WDR27: variants seen among roughly 807,000 people sequenced by gnomAD.
WDR27 encodes the protein WD repeat domain 27.
Under a neutral mutation model 114.4 loss-of-function variants are expected in WDR27, and 100 were observed. The observed-to-expected ratio is 0.87, with a 90% CI of 0.74 to 1.03. The LOEUF (loss-of-function observed/expected upper bound fraction) is 1.03. Among genes scored for constraint, WDR27 ranks in the 50% least tolerant of loss-of-function variants. WDR27 has a pLI of 0.00. For missense variants in WDR27, 1,129 were observed against 1,092.9 expected, an observed-to-expected ratio of 1.03 and a Z score of -0.47; for synonymous variants, 449 against 423.1, an observed-to-expected ratio of 1.06 and a Z score of -0.75.
chr6:169,448,518 G>T, the WDR27 span, among the ~76,000 whole-genome samples: 13 of 152,240 alleles, frequency 8.5e-5, no homozygotes, highest in East Asian at 2.3e-3. Context: ...ACTCAGCTGA[G>T]TGCCACAATA....
At chr6:169,639,582 G>A (rs1292830531) in intron 17 of WDR27, among the ~76,000 whole-genome samples, 1 of 152,200 alleles carries the variant, frequency 6.6e-6, no homozygotes, top group African/African-American at 2.4e-5. Context: ...TGATTTCTGA[G>A]AGCGCCAATG....
At chr6:169,460,028 C>T (rs1784731749) in intron 25 of WDR27, among the ~76,000 whole-genome samples, 1 of 151,890 alleles carries the variant, frequency 6.6e-6, no homozygotes, top group African/African-American at 2.4e-5. Context: ...AAATAAAGAC[C>T]TTAATAAAGG....
chr6:169,426,582 A>G, the WDR27 span: 1 of 152,198 alleles, frequency 6.6e-6, no homozygotes, highest in African/African-American at 2.4e-5. Flanking sequence ...TACCGTGCCA[A>G]TTGAGTTCTG....
Position 169,634,522 on chromosome 6 carries a change from A to T in WDR27, c.2007T>A (p.Tyr669Ter). 6.2e-7 allele frequency: 1 copy of T among 1,607,460 alleles called. No homozygotes were observed. The highest frequency in any genetic ancestry group is 1.3e-5 in the African/African-American group (1 of 74,948). ...IDTCKDEIKR[Y>*]KQKSKSKLIC... ...TCAGCTTGGACTTGCTCTTCTGTTTATATCTGGAAGAGAAAATCAAGATGA... is the reference window on the plus strand; with the variant it reads ...TCAGCTTGGACTTGCTCTTCTGTTTTTATCTGGAAGAGAAAATCAAGATGA... Residue 669 changes from tyrosine (Y) to a stop codon, truncating the protein, a stop_gained, in exon 20 of 26, where the codon TAT becomes TAA. Coordinates refer to ENST00000448612, the MANE Select transcript of WDR27 (RefSeq NM_182552.5). LOFTEE classifies it high-confidence loss of function.
chr6:169,660,198 A>AGGGGGT (rs557685707), intron 10 of WDR27, among the ~76,000 whole-genome samples: 1 of 1,574 alleles, frequency 6.4e-4, no homozygotes, highest in Non-Finnish European at 1.5e-3. Context: ...GTCTTGGGGG[A>AGGGGGT]GGGGGTGGGG....
intron 21 of WDR27, among the ~76,000 whole-genome samples, chr6:169,628,788 T>A (rs1278209243): frequency 6.6e-6 from 1 of 152,214 alleles, no homozygotes; most frequent in Non-Finnish European, 1.5e-5. Flanking sequence ...TGAAACCATA[T>A]CTAACTCAGC....
chr6:169,454,834 T>C (rs529601027), downstream of WDR27, among the ~76,000 whole-genome samples: 4 of 152,316 alleles, frequency 2.6e-5, no homozygotes, highest in African/African-American at 9.6e-5. Context: ...CTTCCTCCCC[T>C]GCACATCCAT....
chr6:169,481,365 A>G (rs937826362), intron 25 of WDR27, among the ~76,000 whole-genome samples: 1 of 152,190 alleles, frequency 6.6e-6, no homozygotes, highest in Non-Finnish European at 1.5e-5. Flanking sequence ...AGCTCTCTGT[A>G]AAATGGACCA....
At chr6:169,700,156 T>C (rs949334908) in intron 1 of WDR27, among the ~76,000 whole-genome samples, 1 of 152,178 alleles carries the variant, frequency 6.6e-6, no homozygotes, top group African/African-American at 2.4e-5. Flanking sequence ...CATGGTCATA[T>C]TTAACCACTG....
At chr6:169,617,172 A>T (rs1812030703) in intron 21 of WDR27, among the ~76,000 whole-genome samples, 1 of 152,156 alleles carries the variant, frequency 6.6e-6, no homozygotes, top group African/African-American at 2.4e-5. Context: ...CGAAGATTTC[A>T]TAGGCAAAAT....
intron 22 of WDR27, among the ~76,000 whole-genome samples, chr6:169,606,409 A>C (rs916809328): frequency 2.0e-5 from 3 of 152,094 alleles, no homozygotes; most frequent in African/African-American, 7.2e-5. Context: ...AGATCAACCC[A>C]TCACCTAGGT....
intron 25 of WDR27, among the ~76,000 whole-genome samples, chr6:169,570,300 AAAAC>A (rs937941785): frequency 6.0e-4 from 91 of 152,338 alleles, no homozygotes; most frequent in African/African-American, 1.8e-3. Flanking sequence ...ACAGAAATGA[AAAAC>A]AAATTTCAAC....
Position 169,540,431 on chromosome 6 carries a change from C to CT in WDR27, c.2645+31987dup, listed in dbSNP as rs66671017. Among the ~76,000 whole-genome samples, 1,262 of 144,826 alleles carry CT rather than the reference C, an allele frequency of 8.7e-3. 54 individuals are homozygous for CT. The highest frequency in any genetic ancestry group is 0.069 in the Admixed American group (1,008 of 14,618). ...CAGTATTGCTCTTATTGAATAGAAT[C>CT]TTTTTTTTTTTTTCTTTAGAGGGAG... On this transcript the variant is annotated intron_variant, in intron 25 of 25. Coordinates refer to ENST00000448612, the MANE Select transcript of WDR27 (RefSeq NM_182552.5).
chr6:169,696,836 C>T (rs1388180318), intron 1 of WDR27, among the ~76,000 whole-genome samples: 1 of 152,202 alleles, frequency 6.6e-6, no homozygotes, highest in Non-Finnish European at 1.5e-5. Context: ...ATCACTTGAA[C>T]CCGGGAGGCG....
chr6:169,617,290 A>C (rs1396199509), intron 21 of WDR27, among the ~76,000 whole-genome samples: 1 of 152,184 alleles, frequency 6.6e-6, no homozygotes, highest in East Asian at 1.9e-4. Context: ...AAGCTTGAGG[A>C]GGCGGTGCCT....
At chr6:169,474,858 G>A (rs1583638419) in intron 25 of WDR27, among the ~76,000 whole-genome samples, 2 of 152,088 alleles carry the variant, frequency 1.3e-5, no homozygotes, top group South Asian at 4.2e-4. Flanking sequence ...CTAAATCAAT[G>A]GGGCTTCATT....
In WDR27 at chr6:169,624,225, G is replaced by A. The variant is rs78794328; in HGVS notation, c.2223+8722C>T. 1.3e-3 allele frequency among the ~76,000 whole-genome samples: 205 copies of A among 151,880 alleles called. 4 individuals carry two copies. In the East Asian group the frequency reaches 0.032, roughly 23 times the overall value. ...GGCATGTGGCAGGTGTTCCGTGTGCGCATCAGGTGTGCCATGTGGGGCGTC... is the reference window on the plus strand; with the variant it reads ...GGCATGTGGCAGGTGTTCCGTGTGCACATCAGGTGTGCCATGTGGGGCGTC... On this transcript the variant is annotated intron_variant, in intron 21 of 25. Coordinates refer to ENST00000448612, the MANE Select transcript of WDR27 (RefSeq NM_182552.5).
At chr6:169,700,994 A>C (rs1273608335) in intron 1 of WDR27, among the ~76,000 whole-genome samples, 2 of 152,196 alleles carry the variant, frequency 1.3e-5, no homozygotes, top group East Asian at 3.9e-4. Flanking sequence ...GCACTTCAGG[A>C]AAAGGCAGTG....
chr6:169,646,646 G>A (rs931427876), intron 16 of WDR27, among the ~76,000 whole-genome samples: 11 of 151,822 alleles, frequency 7.2e-5, no homozygotes, highest in African/African-American at 9.7e-5. Context: ...TACGCGTGAC[G>A]CTGAGGCAGG....
Sources: allele counts gnomAD v4.1 joint callset (sites outside exome capture counted in the v4.1 genomes callset), GRCh38; gene constraint gnomAD v4.1.1; transcripts MANE v1.5; gene names NCBI Gene and HGNC (gene_info 2026-07-23, HGNC 2026-07-21).